The following CDH13 variants were observed in gnomAD, a reference collection of about 807,000 sequenced individuals.
The protein encoded by CDH13 is cadherin 13, also known as cadherin-13.
CDH13 carries 24 observed loss-of-function variants against 63.8 expected under a neutral mutation model. That is an observed-to-expected ratio of 0.38 (90% confidence interval 0.27 to 0.53). CDH13 has a LOEUF of 0.53. Ranked by LOEUF, CDH13 falls within the 20% of genes least tolerant of loss-of-function variation. The probability of loss-of-function intolerance (pLI) is 0.85; values close to 1 mark genes in which losing one functional copy is unlikely to be tolerated. For synonymous variants in CDH13, 503 were observed against 355.3 expected, an observed-to-expected ratio of 1.42 and a Z score of -4.67; for missense variants, 1,049 against 903.1, an observed-to-expected ratio of 1.16 and a Z score of -2.07.
intron 7 of CDH13, among the ~76,000 whole-genome samples, chr16:83,552,109 A>G (rs1317747031): frequency 5.9e-5 from 9 of 152,242 alleles, no homozygotes; most frequent in Non-Finnish European, 4.4e-5. Context: ...GATAAATGAT[A>G]TGGCCCTGTC....
At chr16:83,356,583 C>T (rs1008571635) in intron 6 of CDH13, among the ~76,000 whole-genome samples, 6 of 152,252 alleles carry the variant, frequency 3.9e-5, no homozygotes, top group Middle Eastern at 3.4e-3. Context: ...AGAGCTGCTG[C>T]TTCCATTTAT....
intron 5 of CDH13, among the ~76,000 whole-genome samples, chr16:83,343,167 T>TA (rs1430812992): frequency 2.0e-5 from 3 of 152,134 alleles, no homozygotes; most frequent in African/African-American, 7.2e-5. Flanking sequence ...GATGAAGTAA[T>TA]GTTAAAGAAA....
chr16:83,606,725 T>TG (rs1908369278), intron 8 of CDH13, among the ~76,000 whole-genome samples: 1 of 70,484 alleles, frequency 1.4e-5, no homozygotes, highest in Non-Finnish European at 2.6e-5. Context: ...AGACCCAGTT[T>TG]CAAAAAAAAA....
At chr16:83,678,906 C>G (rs1028917128) in intron 10 of CDH13, among the ~76,000 whole-genome samples, 1 of 152,166 alleles carries the variant, frequency 6.6e-6, no homozygotes, top group African/African-American at 2.4e-5. Context: ...TCGGTACTTG[C>G]TCAAGCAGCC....
rs1449548047 is a variant in CDH13, at chr16:82,776,159, G to A, written c.46-82203G>A. ...CAGGAGGCAGAGGTTGCAGTGAGCC[G>A]TGATTGTGCCACTGCATTCCAGCTT... On this transcript the variant is annotated intron_variant, in intron 1 of 13. Transcript: ENST00000567109. Among the ~76,000 whole-genome samples the A allele has an allele frequency of 4.7e-5, 7 of 149,896 alleles. No homozygotes were observed. In the South Asian group the frequency reaches 6.6e-4, roughly 14 times the overall value.
intron 1 of CDH13, among the ~76,000 whole-genome samples, chr16:82,729,819 G>T (rs1393381883): frequency 6.6e-6 from 1 of 152,168 alleles, no homozygotes; most frequent in African/African-American, 2.4e-5. Flanking sequence ...AATCTGTTTA[G>T]TGTAGCCACC....
chr16:83,763,976 C>G (rs1470324454), intron 11 of CDH13, among the ~76,000 whole-genome samples: 1 of 152,142 alleles, frequency 6.6e-6, no homozygotes, highest in South Asian at 2.1e-4. Context: ...AGCCGAGAGA[C>G]TTACACTCTC....
At chr16:83,362,735 C>G (rs907944826) in intron 6 of CDH13, among the ~76,000 whole-genome samples, 1 of 152,214 alleles carries the variant, frequency 6.6e-6, no homozygotes, top group South Asian at 2.1e-4. Context: ...GGGTTAATTA[C>G]TTCTTAGTAT....
At position 82,858,428 on chromosome 16, in the gene CDH13, A is replaced by G; in HGVS notation, c.112A>G (p.Ile38Val). The G allele has an allele frequency of 6.2e-7, 1 of 1,613,788 alleles. No homozygotes were observed. The highest frequency in any genetic ancestry group is 1.3e-5 in the African/African-American group (1 of 75,078). The part of the protein sequence containing the change: ...TPGFQQKVFH[I>V]NQPAEFIEDQ... Reference sequence around the variant, plus strand: ...TGGATTTCAGCAGAAAGTGTTCCATATCAATCAGCCAGCTGAATTCATTGA... The same window carrying G: ...TGGATTTCAGCAGAAAGTGTTCCATGTCAATCAGCCAGCTGAATTCATTGA... The change falls in exon 2 of 14, where the codon ATC (isoleucine) becomes GTC (valine). Residue 38 changes from isoleucine to valine, a missense_variant. Physicochemically the swap from Ile to Val is conservative, Grantham distance 29. Transcript: ENST00000567109.
chr16:82,792,863 A>C (rs571255009), intron 1 of CDH13, among the ~76,000 whole-genome samples: 2 of 152,336 alleles, frequency 1.3e-5, no homozygotes, highest in Admixed American at 6.5e-5. Context: ...CCAAGCGCTA[A>C]TTGATTTGTA....
chr16:83,295,488 A>G (rs942647246), intron 5 of CDH13, among the ~76,000 whole-genome samples: 1 of 152,154 alleles, frequency 6.6e-6, no homozygotes, highest in Admixed American at 6.5e-5. Context: ...AATAGAAAAA[A>G]CAATGAATAA....
chr16:82,930,954 TTTCC>T (rs1475096729), intron 2 of CDH13, among the ~76,000 whole-genome samples: 1 of 152,250 alleles, frequency 6.6e-6, no homozygotes, highest in East Asian at 1.9e-4. Context: ...GGCTTTGTCA[TTTCC>T]CCACAGGGGC....
At chr16:83,036,301 C>T (rs986800282) in intron 3 of CDH13, among the ~76,000 whole-genome samples, 1 of 151,982 alleles carries the variant, frequency 6.6e-6, no homozygotes, top group African/African-American at 2.4e-5. Flanking sequence ...AGGCACCCAC[C>T]ACCACACCTG....
chr16:83,234,693 A>C (rs552619778), intron 5 of CDH13, among the ~76,000 whole-genome samples: 4 of 152,232 alleles, frequency 2.6e-5, no homozygotes, highest in Non-Finnish European at 5.9e-5. Flanking sequence ...TGAACAAAAC[A>C]CATTTGTAGC....
At chr16:83,025,603 G>T (rs925056653) in intron 2 of CDH13, among the ~76,000 whole-genome samples, 1 of 152,170 alleles carries the variant, frequency 6.6e-6, no homozygotes, top group Non-Finnish European at 1.5e-5. Context: ...TACAATTCAA[G>T]ATGAGATTTT....
chr16:82,916,912 GGTTA>G (rs1353467528), intron 2 of CDH13, among the ~76,000 whole-genome samples: 32 of 152,268 alleles, frequency 2.1e-4, no homozygotes, highest in Non-Finnish European at 5.9e-5. Flanking sequence ...CCAAAGTTCT[GGTTA>G]GTATGTAGCA....
chr16:83,595,732 C>G (rs1907191464), intron 7 of CDH13, among the ~76,000 whole-genome samples: 1 of 152,218 alleles, frequency 6.6e-6, no homozygotes, highest in South Asian at 2.1e-4. Context: ...CACACAAGTC[C>G]ATTTGACTGC....
intron 3 of CDH13, among the ~76,000 whole-genome samples, chr16:83,033,644 C>T (rs901502147): frequency 3.3e-5 from 5 of 152,160 alleles, no homozygotes; most frequent in Admixed American, 3.3e-4. Context: ...GCATGCAGAT[C>T]CCTGCACTCC....
chr16:83,619,252 G>A (rs946536467), intron 8 of CDH13, among the ~76,000 whole-genome samples: 1 of 152,206 alleles, frequency 6.6e-6, no homozygotes, highest in African/African-American at 2.4e-5. Flanking sequence ...CAGGGTCCCT[G>A]ACCTCACGAA....
Sources: allele counts gnomAD v4.1 joint callset (sites outside exome capture counted in the v4.1 genomes callset), GRCh38; gene constraint gnomAD v4.1.1; transcripts MANE v1.5; gene names NCBI Gene and HGNC (gene_info 2026-07-23, HGNC 2026-07-21).